DOCK3: variants seen among roughly 807,000 people sequenced by gnomAD.
DOCK3 encodes the protein dedicator of cytokinesis 3.
DOCK3 carries 60 observed loss-of-function variants against 265.6 expected under a neutral mutation model. That is an observed-to-expected ratio of 0.23 (90% CI 0.18 to 0.28). The LOEUF (loss-of-function observed/expected upper bound fraction) is 0.28. DOCK3 is among the 10% of genes least tolerant of loss of function. The pLI is 1.00. For missense variants in DOCK3, 1,981 were observed against 2,594.3 expected (o/e 0.76, Z 5.14); for synonymous variants, 881 against 938.0 (o/e 0.94, Z 1.11).
intron 2 of DOCK3, among the ~76,000 whole-genome samples, chr3:50,840,730 A>G (rs946052175): frequency 6.6e-6 from 1 of 152,242 alleles, no homozygotes; most frequent in Admixed American, 6.5e-5. Context: ...CACATTGGTA[A>G]GTTATCACCA....
chr3:51,218,720 A>G (rs1235252129), intron 14 of DOCK3, among the ~76,000 whole-genome samples: 1 of 152,194 alleles, frequency 6.6e-6, no homozygotes, highest in Non-Finnish European at 1.5e-5. Context: ...CTGTCTTGTC[A>G]TAAGAAGTCC....
At chr3:51,334,534 T>C (rs2084740749) in intron 35 of DOCK3, among the ~76,000 whole-genome samples, 1 of 152,220 alleles carries the variant, frequency 6.6e-6, no homozygotes, top group Non-Finnish European at 1.5e-5. Flanking sequence ...AATGTGCTCA[T>C]GTCTTAAGCA....
intron 3 of DOCK3, among the ~76,000 whole-genome samples, chr3:50,885,151 G>T (rs979213792): frequency 1.3e-5 from 2 of 152,112 alleles, no homozygotes; most frequent in Non-Finnish European, 2.9e-5. Flanking sequence ...ACAGTATGTG[G>T]CCTTTCAGAT....
At position 51,218,092 on chromosome 3, in the gene DOCK3, T is replaced by A. The variant is rs553494379; in HGVS notation, c.1252+3845T>A. Among the ~76,000 whole-genome samples the A allele has an allele frequency of 3.3e-5, 5 of 151,554 alleles. No homozygotes were observed. The South Asian group carries it at 8.4e-4, about 25-fold the overall frequency. ...AAGATGGCGCCACTGCACTCCAGCCTGGATGACAGCGAGACCCCATCTCAA... is the reference window on the plus strand; with the variant it reads ...AAGATGGCGCCACTGCACTCCAGCCAGGATGACAGCGAGACCCCATCTCAA... On this transcript the variant is annotated intron_variant, in intron 14 of 52. Transcript: ENST00000266037.
intron 40 of DOCK3, among the ~76,000 whole-genome samples, chr3:51,353,031 A>G (rs1427210295): frequency 1.3e-5 from 2 of 152,200 alleles, no homozygotes. Flanking sequence ...ATTAATCTGC[A>G]AAGAGTCAGG....
At chr3:51,038,837 C>T (rs1407602173) in intron 5 of DOCK3, among the ~76,000 whole-genome samples, 1 of 151,804 alleles carries the variant, frequency 6.6e-6, no homozygotes, top group Non-Finnish European at 1.5e-5. Context: ...TGTTCTCCCA[C>T]ACATATATTA....
intron 3 of DOCK3, chr3:50,877,146 C>G (rs1373800453): frequency 3.5e-6 from 1 of 282,922 alleles, no homozygotes; most frequent in Non-Finnish European, 7.0e-6. Context: ...CAGGCATTCC[C>G]CCTGGGAAAG....
chr3:50,676,729 G>T (rs113251786), intron 1 of DOCK3, among the ~76,000 whole-genome samples: 2,640 of 151,088 alleles, frequency 0.017, 89 homozygotes, highest in African/African-American at 0.062. Flanking sequence ...GGGGGCGTGG[G>T]GGGAGGAGCC....
At chr3:50,760,819 G>T (rs1362792799) in intron 1 of DOCK3, among the ~76,000 whole-genome samples, 3 of 142,224 alleles carry the variant, frequency 2.1e-5, no homozygotes, top group Admixed American at 7.2e-5. Flanking sequence ...GTCTTGCTCT[G>T]TCTCTCAGGC....
chr3:51,165,964 C>T (rs889431143), intron 12 of DOCK3, among the ~76,000 whole-genome samples: 8 of 149,672 alleles, frequency 5.3e-5, no homozygotes, highest in African/African-American at 2.0e-4. Context: ...CCTCATTCAT[C>T]CGTCACTTCC....
chr3:51,181,886 T>C (rs903922201), intron 12 of DOCK3, among the ~76,000 whole-genome samples: 1 of 152,192 alleles, frequency 6.6e-6, no homozygotes, highest in African/African-American at 2.4e-5. Context: ...TGTAGTAGAT[T>C]GGGATGGGGC....
chr3:51,209,021 G>A (rs932973545), intron 13 of DOCK3, among the ~76,000 whole-genome samples, 159 bp downstream of exon 13: 1 of 152,204 alleles, frequency 6.6e-6, no homozygotes, highest in South Asian at 2.1e-4. Flanking sequence ...ATAATTTGAG[G>A]CCTTCCCTAA....
intron 9 of DOCK3, among the ~76,000 whole-genome samples, chr3:51,105,195 G>A (rs1425931744): frequency 6.6e-6 from 1 of 152,016 alleles, no homozygotes; most frequent in Non-Finnish European, 1.5e-5. Flanking sequence ...TGCCAACTAA[G>A]GGTCTTGGGC....
At chr3:51,155,099 T>C (rs2085784657) in intron 10 of DOCK3, among the ~76,000 whole-genome samples, 1 of 152,022 alleles carries the variant, frequency 6.6e-6, no homozygotes, top group Non-Finnish European at 1.5e-5. Context: ...CCTGCCTCGG[T>C]CTCCTGAGTA....
intron 5 of DOCK3, among the ~76,000 whole-genome samples, chr3:51,019,395 T>G (rs962258960): frequency 6.6e-6 from 1 of 151,950 alleles, no homozygotes; most frequent in Admixed American, 6.6e-5. Context: ...ATAAACCTAG[T>G]GACTGTATAT....
At chr3:51,020,279 T>C (rs2079528677) in intron 5 of DOCK3, among the ~76,000 whole-genome samples, 1 of 151,684 alleles carries the variant, frequency 6.6e-6, no homozygotes, top group South Asian at 2.1e-4. Flanking sequence ...TTTTGAGAAG[T>C]ATCTGTTCAC....
intron 22 of DOCK3, among the ~76,000 whole-genome samples, chr3:51,258,298 CA>C (rs1213538750): frequency 2.0e-5 from 3 of 151,930 alleles, no homozygotes; most frequent in Non-Finnish European, 4.4e-5. Flanking sequence ...TTCCACTTCT[CA>C]AAAAAAACTC....
At chr3:51,095,992 T>A (rs1249782920) in intron 9 of DOCK3, among the ~76,000 whole-genome samples, 1 of 151,276 alleles carries the variant, frequency 6.6e-6, no homozygotes, top group Non-Finnish European at 1.5e-5. Context: ...CCACTGTTAG[T>A]CTGATGGGCT....
At chr3:50,994,446 G>A (rs764888184) in intron 5 of DOCK3, among the ~76,000 whole-genome samples, 92 of 152,294 alleles carry the variant, frequency 6.0e-4, no homozygotes, top group Non-Finnish European at 1.1e-3. Context: ...TAGAGTGATG[G>A]CAGTAAGATT....
Sources: gnomAD v4.1 joint callset for allele counts (sites outside exome capture counted in the v4.1 genomes callset) on GRCh38, gnomAD v4.1.1 for gene constraint, MANE v1.5 for transcripts, NCBI Gene and HGNC (gene_info 2026-07-23, HGNC 2026-07-21) for gene names.